Variants in ANKRD18A observed in about 807,000 individuals in gnomAD.
ANKRD18A encodes the protein ankyrin repeat domain 18A.
A neutral mutation model predicts 110.6 loss-of-function variants in ANKRD18A; 72 were observed. The ratio of observed to expected loss-of-function variants is 0.65; its 90% CI spans 0.54 to 0.79. ANKRD18A has a LOEUF of 0.79. Ranked by LOEUF, ANKRD18A falls within the 30% of genes least tolerant of loss-of-function variation. ANKRD18A has a pLI of 0.00. For missense variants in ANKRD18A, 934 were observed against 1,163.3 expected (o/e 0.80, Z 2.87); for synonymous variants, 305 against 410.3 (o/e 0.74, Z 3.10).
At chr9:38,613,000 C>T (rs1025171913) in intron 3 of ANKRD18A, among the ~76,000 whole-genome samples, 6 of 151,736 alleles carry the variant, frequency 4.0e-5, no homozygotes, top group Non-Finnish European at 8.8e-5. Flanking sequence ...TAAAATTCAA[C>T]TCTATAATTG....
chr9:38,617,464 CAA>C (rs549876818), intron 1 of ANKRD18A, among the ~76,000 whole-genome samples: 1 of 151,472 alleles, frequency 6.6e-6, no homozygotes, highest in South Asian at 2.1e-4. Context: ...AACAAACAAA[CAA>C]AAAGAAACGT....
At chr9:38,613,051 T>C (rs1825705269) in intron 3 of ANKRD18A, among the ~76,000 whole-genome samples, 1 of 152,050 alleles carries the variant, frequency 6.6e-6, no homozygotes, top group African/African-American at 2.4e-5. Context: ...TATGAACCAA[T>C]ATATGCTGTC....
chr9:38,610,392 T>G lies in ANKRD18A; in HGVS notation c.621A>C (p.Ala207=). Residue 207 remains alanine, a synonymous_variant, in exon 5 of 16, where the codon GCA becomes GCC. Transcript: ENST00000399703. ...CGATACTTGACAAGTTATGCTGTAC[T>G]GCAAGTATGAGGGCTGTTCTAAAAT... ...DNFKRTALIL[A]VQHNLSSIVT... 1 of 1,547,238 alleles carries G rather than the reference T, an allele frequency of 6.5e-7. No homozygotes were observed. The highest frequency in any genetic ancestry group is 8.7e-7 in the Non-Finnish European group (1 of 1,145,804).
At chr9:38,578,930 TA>T (rs1824032455) in intron 12 of ANKRD18A, among the ~76,000 whole-genome samples, 2 of 152,288 alleles carry the variant, frequency 1.3e-5, no homozygotes, top group Non-Finnish European at 2.9e-5. Context: ...TCTGATGCCA[TA>T]AGCCTTTCCC....
At chr9:38,609,521 G>T (rs947602411) in intron 5 of ANKRD18A, among the ~76,000 whole-genome samples, 1 of 151,872 alleles carries the variant, frequency 6.6e-6, no homozygotes, top group Admixed American at 6.6e-5. Flanking sequence ...CTGTAGCTGT[G>T]GACTCTGTGT....
intron 12 of ANKRD18A, among the ~76,000 whole-genome samples, chr9:38,582,863 A>G (rs963913991): frequency 6.6e-6 from 1 of 152,364 alleles, no homozygotes; most frequent in East Asian, 1.9e-4. Context: ...AGACAGTATC[A>G]AGAAGTGAAA....
At chr9:38,614,229 T>G (rs1226387612) in intron 3 of ANKRD18A, among the ~76,000 whole-genome samples, 7 of 145,354 alleles carry the variant, frequency 4.8e-5, no homozygotes, top group East Asian at 2.0e-4. Flanking sequence ...GTTTTTTTTT[T>G]TTTTTTTTTT....
At chr9:38,581,355 A>G (rs1267924355) in intron 12 of ANKRD18A, among the ~76,000 whole-genome samples, 1 of 152,196 alleles carries the variant, frequency 6.6e-6, no homozygotes, top group Admixed American at 6.5e-5. Flanking sequence ...TCTGATAATA[A>G]GGCAAGGGTG....
intron 3 of ANKRD18A, among the ~76,000 whole-genome samples, chr9:38,614,813 T>C (rs1448972806): frequency 6.6e-6 from 1 of 152,218 alleles, no homozygotes; most frequent in Non-Finnish European, 1.5e-5. Context: ...ATTCTAGATT[T>C]GAAAGGAGAG....
At chr9:38,609,026 T>C (rs1045399035) in intron 5 of ANKRD18A, among the ~76,000 whole-genome samples, 1 of 152,136 alleles carries the variant, frequency 6.6e-6, no homozygotes, top group African/African-American at 2.4e-5. Context: ...ACCATGAAGG[T>C]ACAGGCTAAG....
chr9:38,607,671 G>C (rs542289958), intron 5 of ANKRD18A, among the ~76,000 whole-genome samples, 178 bp from the exon 6 acceptor site: 8 of 152,214 alleles, frequency 5.3e-5, no homozygotes, highest in African/African-American at 1.9e-4. Context: ...AATTGAACAA[G>C]AAAAACAGGA....
chr9:38,568,863 G>T, downstream of ANKRD18A: 1 of 985,434 alleles, frequency 1.0e-6, no homozygotes, highest in Non-Finnish European at 1.2e-6. Context: ...GGACCCTTTA[G>T]GTATGGATCT....
chr9:38,597,918 A>C (rs1012468216), intron 8 of ANKRD18A, among the ~76,000 whole-genome samples: 1 of 152,208 alleles, frequency 6.6e-6, no homozygotes, highest in African/African-American at 2.4e-5. Flanking sequence ...GATTCAACAG[A>C]AACATTGGAG....
intron 9 of ANKRD18A, 101 bp downstream of exon 9, chr9:38,595,385 T>C: frequency 1.8e-6 from 2 of 1,120,124 alleles, no homozygotes; most frequent in Non-Finnish European, 2.4e-6. Context: ...GGTAAACACA[T>C]TTTCATCTAT....
intron 15 of ANKRD18A, among the ~76,000 whole-genome samples, chr9:38,573,575 T>A (rs1467661309): frequency 6.6e-6 from 1 of 151,728 alleles, no homozygotes; most frequent in Non-Finnish European, 1.5e-5. Flanking sequence ...ATTAGCTGGG[T>A]GTGGTGGTGC....
At chr9:38,601,577 G>A (rs367724753) in intron 7 of ANKRD18A, among the ~76,000 whole-genome samples, 114 of 152,222 alleles carry the variant, frequency 7.5e-4, no homozygotes, top group East Asian at 4.8e-3. Context: ...TGCTAAGCAC[G>A]TTATTTACTA....
chr9:38,591,268 C>CAGGT (rs1824636445), intron 10 of ANKRD18A, among the ~76,000 whole-genome samples: 1 of 152,112 alleles, frequency 6.6e-6, no homozygotes, highest in South Asian at 2.1e-4. Context: ...CCTCACCAAC[C>CAGGT]AGGTGTTCCA....
At chr9:38,612,399 AG>A (rs1317757574) in intron 3 of ANKRD18A, among the ~76,000 whole-genome samples, 2 of 152,090 alleles carry the variant, frequency 1.3e-5, no homozygotes, top group South Asian at 2.1e-4. Flanking sequence ...TTTTTACTTT[AG>A]GCAAAATATA....
chr9:38,573,123 G>A, intron 15 of ANKRD18A: 1 of 1,334,466 alleles, frequency 7.5e-7, no homozygotes, highest in South Asian at 2.2e-5. Context: ...ACACGGTCCA[G>A]CTCCATCTAA....
Sources: allele counts gnomAD v4.1 joint callset (sites outside exome capture counted in the v4.1 genomes callset), GRCh38; gene constraint gnomAD v4.1.1; transcripts MANE v1.5; gene names NCBI Gene and HGNC (gene_info 2026-07-23, HGNC 2026-07-21).